The following PRUNE2 variants were observed in gnomAD, a reference collection of about 807,000 sequenced individuals.
The protein encoded by PRUNE2 is prune homolog 2 with BCH domain, also known as protein prune homolog 2.
Under a neutral mutation model 252.0 loss-of-function variants are expected in PRUNE2, and 164 were observed. That is an observed-to-expected ratio of 0.65 (90% CI 0.57 to 0.74). The LOEUF (loss-of-function observed/expected upper bound fraction) is 0.74, where lower values mean the gene tolerates loss of function less well. Among genes scored for constraint, PRUNE2 ranks in the 30% least tolerant of loss-of-function variants. The pLI, the probability that PRUNE2 is intolerant of heterozygous loss-of-function variation, is 0.00. For missense variants in PRUNE2, 3,495 were observed against 3,711.0 expected (o/e 0.94, Z 1.51); for synonymous variants, 1,292 against 1,350.2 (o/e 0.96, Z 0.94).
chr9:76,817,246 G>T (rs2057749679), intron 6 of PRUNE2, among the ~76,000 whole-genome samples: 1 of 152,122 alleles, frequency 6.6e-6, no homozygotes, highest in South Asian at 2.1e-4. Flanking sequence ...CTTGCATGCT[G>T]GCACCATGAC....
At chr9:76,714,214 T>C (rs925443103) in intron 6 of PRUNE2, among the ~76,000 whole-genome samples, 1 of 147,848 alleles carries the variant, frequency 6.8e-6, no homozygotes, top group African/African-American at 2.5e-5. Context: ...TTTATTCCAG[T>C]GTAGAATTCT....
At chr9:76,731,401 C>T (rs1347031004) in intron 6 of PRUNE2, among the ~76,000 whole-genome samples, 1 of 150,714 alleles carries the variant, frequency 6.6e-6, no homozygotes, top group Admixed American at 6.6e-5. Flanking sequence ...CAGCTCACTG[C>T]AGTCTTGACC....
chr9:76,813,560 A>G (rs2057495061), intron 6 of PRUNE2, among the ~76,000 whole-genome samples: 2 of 152,228 alleles, frequency 1.3e-5, no homozygotes, highest in South Asian at 4.1e-4. Context: ...TTCAGCAAAG[A>G]AGTCACTTAT....
intron 6 of PRUNE2, among the ~76,000 whole-genome samples, chr9:76,731,968 C>G (rs1235256855): frequency 2.0e-5 from 3 of 152,212 alleles, no homozygotes. Flanking sequence ...GCTCCCACCA[C>G]TAGCAAGCAT....
chr9:76,719,247 T>G (rs2047418108), intron 6 of PRUNE2, among the ~76,000 whole-genome samples: 1 of 152,046 alleles, frequency 6.6e-6, no homozygotes, highest in Admixed American at 6.6e-5. Flanking sequence ...TTTTTTTAGC[T>G]AGGAGGAAAA....
intron 4 of PRUNE2, among the ~76,000 whole-genome samples, chr9:76,838,778 C>A (rs1047194438): frequency 6.6e-6 from 1 of 151,378 alleles, no homozygotes; most frequent in Non-Finnish European, 1.5e-5. Flanking sequence ...TACCAGTTAA[C>A]GCTAGTTAGG....
chr9:76,713,558 C>T lies in PRUNE2; in HGVS notation c.915+5G>A, dbSNP rs374563388. The stretch of plus-strand genomic sequence containing the variant: ...GAACATGACGGGGTCAGAGGAGGGG[C>T]TCACCTGACTGCACAGCTCCATGTT... On this transcript the variant is annotated splice_donor_5th_base_variant and intron_variant, in intron 7 of 18. Transcript: ENST00000376718. 15 of 1,606,138 alleles carry T rather than the reference C, an allele frequency of 9.3e-6. No homozygotes were observed. In the African/African-American group the frequency reaches 1.2e-4, roughly 13 times the overall value.
In PRUNE2 at chr9:76,615,486, C is replaced by A. The variant is rs140226052; in HGVS notation, c.9237-886G>T. Among the ~76,000 whole-genome samples the A allele has an allele frequency of 3.3e-4, 50 of 152,288 alleles. 1 individual carries two copies. Among genetic ancestry groups the A allele is most frequent in the South Asian group, 8.3e-4 (4 of 4,814 alleles). On this transcript the variant is annotated intron_variant, in intron 18 of 18. Coordinates refer to ENST00000376718, the MANE Select transcript of PRUNE2 (RefSeq NM_015225.3). ...TGCAAATAAAGCCACTGGCAACTCA[C>A]GCTGCCTGCCCATCCAGTTTACAGT...
At position 76,706,573 on chromosome 9, in the gene PRUNE2, T is replaced by A. The variant is rs1304057900; in HGVS notation, c.5701A>T (p.Lys1901Ter). Residue 1901 changes from lysine (K) to a stop codon, truncating the protein, a stop_gained, in exon 8 of 19, where the codon AAG (lysine) becomes TAG (stop). Coordinates refer to ENST00000376718, the MANE Select transcript of PRUNE2 (RefSeq NM_015225.3). LOFTEE classifies it high-confidence loss of function. ...TTCCAGAGTTGCTCATGGGAGTTCT[T>A]CCCATTACCTTCCAGAAAGGGTGAC... ...HQSPFLEGNG[K>*]NSHEQLWNIQ... The A allele has an allele frequency of 6.2e-7, 1 of 1,613,848 alleles. No homozygotes were observed. Among genetic ancestry groups the A allele is most frequent in the Non-Finnish European group, 8.5e-7 (1 of 1,179,886 alleles).
At chr9:76,702,294 G>C (rs897847802) in intron 9 of PRUNE2, among the ~76,000 whole-genome samples, 1 of 152,118 alleles carries the variant, frequency 6.6e-6, no homozygotes, top group Admixed American at 6.5e-5. Context: ...CTGACCTCAA[G>C]TGATCCACTC....
At chr9:76,646,065 T>C (rs1844720011) in intron 11 of PRUNE2, among the ~76,000 whole-genome samples, 1 of 152,222 alleles carries the variant, frequency 6.6e-6, no homozygotes, top group South Asian at 2.1e-4. Flanking sequence ...TTTTCAGCCC[T>C]TCTAATCTAC....
At chr9:76,821,472 A>C (rs2058035463) in intron 6 of PRUNE2, among the ~76,000 whole-genome samples, 1 of 152,186 alleles carries the variant, frequency 6.6e-6, no homozygotes, top group Non-Finnish European at 1.5e-5. Context: ...TTAACTTGGG[A>C]ATTTTTCCAG....
chr9:76,853,340 A>G (rs749078703), intron 2 of PRUNE2, among the ~76,000 whole-genome samples: 2 of 152,192 alleles, frequency 1.3e-5, no homozygotes, highest in Non-Finnish European at 2.9e-5. Context: ...AACAAATCAG[A>G]TTCTGAAAAA....
chr9:76,815,593 G>A (rs910656763), intron 6 of PRUNE2, among the ~76,000 whole-genome samples: 3 of 152,152 alleles, frequency 2.0e-5, no homozygotes, highest in African/African-American at 7.2e-5. Context: ...CTTCATTGGG[G>A]ATTAAATTTC....
chr9:76,871,306 T>C (rs567204683), intron 1 of PRUNE2, among the ~76,000 whole-genome samples: 1 of 152,376 alleles, frequency 6.6e-6, no homozygotes, highest in Admixed American at 6.5e-5. Context: ...AGCATTTACA[T>C]TGTATTAGGC....
In PRUNE2 at chr9:76,905,852, G is replaced by A. The variant is rs2063464013; in HGVS notation, c.36+76C>T. 9 of 1,586,202 alleles carry A rather than the reference G, an allele frequency of 5.7e-6. No homozygotes were observed. The South Asian group carries it at 9.9e-5, about 18-fold the overall frequency. On this transcript the variant is annotated intron_variant, in intron 1 of 18. Transcript: ENST00000376718. ...CAAAGTTGTTTCTTCCTCCTCTGCT[G>A]CAACACCTTTTCCTCTCCACCTTTC...
chr9:76,902,863 T>A (rs1465614758), intron 1 of PRUNE2, among the ~76,000 whole-genome samples: 1 of 152,094 alleles, frequency 6.6e-6, no homozygotes, highest in Non-Finnish European at 1.5e-5. Context: ...ATACTGAGTA[T>A]TCTCAGGAGG....
At chr9:76,719,794 G>T (rs1293124186) in intron 6 of PRUNE2, among the ~76,000 whole-genome samples, 3 of 151,888 alleles carry the variant, frequency 2.0e-5, no homozygotes, top group Admixed American at 6.6e-5. Context: ...ATACAGGCGT[G>T]CACCACCATG....
chr9:76,837,475 A>AATAATAATAATAATAATG (rs1443162277), intron 4 of PRUNE2, among the ~76,000 whole-genome samples: 1 of 42,512 alleles, frequency 2.4e-5, no homozygotes, highest in South Asian at 4.9e-4. Context: ...TAATAATAAT[A>AATAATAATAATAATAATG]ATGCTATTAA....
Sources: gnomAD v4.1 joint callset for allele counts (sites outside exome capture counted in the v4.1 genomes callset) on GRCh38, gnomAD v4.1.1 for gene constraint, MANE v1.5 for transcripts, NCBI Gene and HGNC (gene_info 2026-07-23, HGNC 2026-07-21) for gene names.